Variants in SUCLG2 observed in about 807,000 individuals in gnomAD.
The protein encoded by SUCLG2 is succinate-CoA ligase GDP-forming subunit beta, also known as succinate--CoA ligase [GDP-forming] subunit beta, mitochondrial.
Under a neutral mutation model 47.9 loss-of-function variants are expected in SUCLG2, and 42 were observed. The ratio of observed to expected loss-of-function variants is 0.88; its 90% confidence interval spans 0.69 to 1.14. The LOEUF (loss-of-function observed/expected upper bound fraction) is 1.14. Ranked by LOEUF, SUCLG2 falls within the 50% of genes most tolerant of loss-of-function variation. The probability of loss-of-function intolerance (pLI) is 0.00; values close to 1 mark genes in which losing one functional copy is unlikely to be tolerated. For missense variants in SUCLG2, 571 were observed against 525.9 expected, an observed-to-expected ratio of 1.09 and a Z score of -0.84; for synonymous variants, 195 against 197.3, an observed-to-expected ratio of 0.99 and a Z score of 0.10.
intron 5 of SUCLG2, 50 bp from the exon 6 acceptor site, chr3:67,518,386 A>T: frequency 1.3e-6 from 2 of 1,527,868 alleles, no homozygotes; most frequent in South Asian, 1.2e-5. Context: ...AACTGAGAAG[A>T]TTTACAACCT....
intron 10 of SUCLG2, among the ~76,000 whole-genome samples, chr3:67,361,241 C>A (rs1559631486): frequency 6.6e-6 from 1 of 151,498 alleles, no homozygotes; most frequent in Non-Finnish European, 1.5e-5. Flanking sequence ...TTATACTTTT[C>A]TATTATAGAG....
intron 9 of SUCLG2, among the ~76,000 whole-genome samples, chr3:67,426,914 A>C (rs1425360575): frequency 1.3e-5 from 2 of 152,166 alleles, no homozygotes; most frequent in African/African-American, 4.8e-5. Context: ...CGACAGAGCA[A>C]GACTCCATCT....
Position 67,524,454 on chromosome 3 carries a change from C to G in SUCLG2, c.417+3678G>C, listed in dbSNP as rs140043244. The stretch of plus-strand genomic sequence containing the variant: ...CTCGAATTTTAAATTGATTACAGAG[C>G]AGTAACCACTATTGGTACTGAATCC... On this transcript the variant is annotated intron_variant, in intron 4 of 10. Coordinates refer to ENST00000307227, the MANE Select transcript of SUCLG2 (RefSeq NM_003848.4). Among the ~76,000 whole-genome samples the G allele has an allele frequency of 9.8e-3, 1,487 of 152,280 alleles. 28 individuals are homozygous for G. Among genetic ancestry groups the G allele is most frequent in the African/African-American group, 0.033 (1,358 of 41,560 alleles).
intron 9 of SUCLG2, among the ~76,000 whole-genome samples, chr3:67,484,243 T>C (rs1275592903): frequency 6.6e-6 from 1 of 152,166 alleles, no homozygotes; most frequent in Non-Finnish European, 1.5e-5. Context: ...TGAACAAGTC[T>C]AGTCCTAGAG....
intron 2 of SUCLG2, among the ~76,000 whole-genome samples, chr3:67,536,977 T>C (rs1307057476): frequency 6.6e-6 from 1 of 152,052 alleles, no homozygotes; most frequent in African/African-American, 2.4e-5. Flanking sequence ...ATTGGGAAAA[T>C]AAATTTTATG....
At chr3:67,367,686 C>CA (rs1236786167) in intron 10 of SUCLG2, among the ~76,000 whole-genome samples, 1 of 152,152 alleles carries the variant, frequency 6.6e-6, no homozygotes, top group Non-Finnish European at 1.5e-5. Context: ...TCTCCAGTTT[C>CA]AACAAAGAGA....
chr3:67,431,376 A>C (rs180724811), intron 9 of SUCLG2, among the ~76,000 whole-genome samples: 1 of 152,320 alleles, frequency 6.6e-6, no homozygotes, highest in East Asian at 1.9e-4. Context: ...CAATAGATGC[A>C]GAAAAGGCCT....
chr3:67,497,842 G>C (rs1016657268), intron 8 of SUCLG2, among the ~76,000 whole-genome samples: 3 of 152,078 alleles, frequency 2.0e-5, no homozygotes, highest in Admixed American at 6.6e-5. Flanking sequence ...ACAAGTGGGG[G>C]TTGTTAGTAG....
chr3:67,360,817 T>G (rs1301807965), intron 10 of SUCLG2: 1 of 1,413,850 alleles, frequency 7.1e-7, no homozygotes, highest in Non-Finnish European at 9.4e-7. Context: ...TGCAATATAT[T>G]TAGATGAACA....
intron 10 of SUCLG2, among the ~76,000 whole-genome samples, chr3:67,379,815 G>GC (rs1702113681): frequency 6.6e-6 from 1 of 152,204 alleles, no homozygotes; most frequent in Admixed American, 6.5e-5. Context: ...ACCTCCCCAT[G>GC]CCCCAACTAA....
chr3:67,480,287 G>C (rs1017313841), intron 9 of SUCLG2, among the ~76,000 whole-genome samples: 1 of 152,194 alleles, frequency 6.6e-6, no homozygotes, highest in Non-Finnish European at 1.5e-5. Flanking sequence ...ATAAGGAGGA[G>C]CTATAGAGCT....
At chr3:67,483,338 T>C (rs536842850) in intron 9 of SUCLG2, among the ~76,000 whole-genome samples, 9 of 152,296 alleles carry the variant, frequency 5.9e-5, no homozygotes, top group South Asian at 2.1e-4. Context: ...GATTCTTTCA[T>C]TGATAGCATT....
intron 2 of SUCLG2, among the ~76,000 whole-genome samples, chr3:67,547,711 C>CAATTTTCACGAATCAACTA (rs149549427): frequency 0.024 from 3,579 of 152,176 alleles, 139 homozygotes; most frequent in African/African-American, 0.079. Flanking sequence ...GCAAAGGGAA[C>CAATTTTCACGAATCAACTA]AATTTTCACG....
At chr3:67,451,990 C>T (rs1704068088) in intron 9 of SUCLG2, among the ~76,000 whole-genome samples, 1 of 152,110 alleles carries the variant, frequency 6.6e-6, no homozygotes, top group South Asian at 2.1e-4. Flanking sequence ...GCATTAGAAG[C>T]CAGGTTAACT....
At chr3:67,548,856 C>T (rs867434571) in intron 2 of SUCLG2, among the ~76,000 whole-genome samples, 46 of 152,202 alleles carry the variant, frequency 3.0e-4, no homozygotes, top group African/African-American at 9.9e-4. Flanking sequence ...CAAGAGGCAC[C>T]CAACAGGTAT....
chr3:67,375,427 T>G lies in SUCLG2; in HGVS notation c.*317A>C, dbSNP rs1042462923. ...TTCTTGTAAATGAAGCAGGACTTGATTTCAAATTCTGTCTATACACACAAT... is the reference window on the plus strand; with the variant it reads ...TTCTTGTAAATGAAGCAGGACTTGAGTTCAAATTCTGTCTATACACACAAT... On this transcript the variant is annotated 3_prime_UTR_variant, in exon 11 of 11. Coordinates refer to ENST00000307227, the MANE Select transcript of SUCLG2 (RefSeq NM_003848.4). 3.0e-6 allele frequency: 3 copies of G among 1,016,692 alleles called. No individual in the cohort carries two copies. In the African/African-American group the frequency reaches 5.1e-5, roughly 17 times the overall value. 63.0% of individuals were successfully genotyped at this position (1,016,692 alleles called of 1,614,324 possible). A position where few individuals can be genotyped will look rare whatever the true frequency, so the allele number is the denominator to read the frequency against.
At chr3:67,521,999 T>G in intron 4 of SUCLG2, among the ~76,000 whole-genome samples, 1 of 151,938 alleles carries the variant, frequency 6.6e-6, no homozygotes. Flanking sequence ...GGTATTTATA[T>G]GACAATATTT....
At chr3:67,507,554 C>T (rs1705670890) in intron 7 of SUCLG2, among the ~76,000 whole-genome samples, 1 of 150,800 alleles carries the variant, frequency 6.6e-6, no homozygotes, top group East Asian at 1.9e-4. Flanking sequence ...AGACCTGAAA[C>T]TTAGGCAGGC....
rs547763178 is a variant in SUCLG2, at chr3:67,563,056, TTTA to T, written c.227-33873_227-33871del. ...TATAATGTGTACGATTTACATTCTA[TTTA>T]TTATTTTAATTATTTCTATTATAGT... On this transcript the variant is annotated intron_variant, in intron 2 of 10. Transcript: ENST00000307227. 4.1e-4 allele frequency among the ~76,000 whole-genome samples: 62 copies of T among 149,870 alleles called. 1 individual carries two copies. The East Asian group carries it at 8.3e-3, about 20-fold the overall frequency.
Sources: allele counts gnomAD v4.1 joint callset (sites outside exome capture counted in the v4.1 genomes callset), GRCh38; gene constraint gnomAD v4.1.1; transcripts MANE v1.5; gene names NCBI Gene and HGNC (gene_info 2026-07-23, HGNC 2026-07-21).